RBM20: variants seen among roughly 807,000 people sequenced by gnomAD.
RBM20 encodes the protein RNA binding motif protein 20.
RBM20 carries 51 observed loss-of-function variants against 110.1 expected under a neutral mutation model. That is an observed-to-expected ratio of 0.46 (90% confidence interval 0.37 to 0.59). The LOEUF is 0.59. Among genes scored for constraint, RBM20 ranks in the 20% least tolerant of loss-of-function variants. The probability of loss-of-function intolerance (pLI) is 0.00; values close to 1 mark genes in which losing one functional copy is unlikely to be tolerated. For synonymous variants in RBM20, 589 were observed against 618.2 expected (o/e 0.95, Z 0.70); for missense variants, 1,512 against 1,574.9 (o/e 0.96, Z 0.68).
intron 1 of RBM20, among the ~76,000 whole-genome samples, chr10:110,719,831 A>T (rs1221490385): frequency 6.6e-6 from 1 of 152,166 alleles, no homozygotes; most frequent in African/African-American, 2.4e-5. Flanking sequence ...TAATGTGTGT[A>T]AAGCATTCCT....
intron 13 of RBM20, among the ~76,000 whole-genome samples, chr10:110,834,691 C>T (rs1422801188): frequency 6.6e-6 from 1 of 152,234 alleles, no homozygotes; most frequent in African/African-American, 2.4e-5. Flanking sequence ...AACTCGCCTG[C>T]TGAGGGATAG....
At chr10:110,772,168 T>C (rs1489380387) in intron 1 of RBM20, among the ~76,000 whole-genome samples, 2 of 152,224 alleles carry the variant, frequency 1.3e-5, no homozygotes, top group African/African-American at 4.8e-5. Flanking sequence ...CTGTCCTAAA[T>C]GGATTTGAGC....
intron 1 of RBM20, among the ~76,000 whole-genome samples, chr10:110,713,179 T>C (rs1228094645): frequency 2.6e-5 from 4 of 152,140 alleles, no homozygotes; most frequent in Non-Finnish European, 5.9e-5. Flanking sequence ...TGCAGAGAAG[T>C]GGATTTTTAT....
intron 1 of RBM20, 117 bp from the exon 2 acceptor site, chr10:110,780,684 G>C: frequency 8.6e-7 from 1 of 1,167,898 alleles, no homozygotes; most frequent in Non-Finnish European, 1.2e-6. Flanking sequence ...CTTGTATGTG[G>C]GACCAGTGTG....
chr10:110,829,767 C>T (rs1845025919), intron 12 of RBM20, among the ~76,000 whole-genome samples: 2 of 152,144 alleles, frequency 1.3e-5, no homozygotes, highest in South Asian at 2.1e-4. Context: ...TTGGAGCAGG[C>T]GCTGTCATGA....
chr10:110,687,437 G>A (rs1468576087), intron 1 of RBM20, among the ~76,000 whole-genome samples: 1 of 152,198 alleles, frequency 6.6e-6, no homozygotes, highest in African/African-American at 2.4e-5. Flanking sequence ...TTAGAGAGAA[G>A]CATAGTTACA....
At chr10:110,726,958 T>A (rs1843566624) in intron 1 of RBM20, among the ~76,000 whole-genome samples, 1 of 152,082 alleles carries the variant, frequency 6.6e-6, no homozygotes, top group African/African-American at 2.4e-5. Context: ...GCAATTCTCC[T>A]GCCTCAGCCT....
rs796315158 is a variant in RBM20, at chr10:110,684,424, C to CAAAAA, written c.191+39783_191+39784insAAAAA. ...CAAAACAAAACAAAACAAAACAAAA[C>CAAAAA]AAAAGAAAAAGAAAAAGAAAACAGA... is the stretch of plus-strand genomic sequence containing the variant. On this transcript the variant is annotated intron_variant, in intron 1 of 13. Coordinates refer to ENST00000369519, the MANE Select transcript of RBM20 (RefSeq NM_001134363.3). 9.3e-5 allele frequency among the ~76,000 whole-genome samples: 14 copies of CAAAAA among 151,106 alleles called. 3 individuals carry two copies. The highest frequency in any genetic ancestry group is 1.3e-4 in the Non-Finnish European group (9 of 67,946).
chr10:110,792,732 T>C (rs1254639754), intron 5 of RBM20, among the ~76,000 whole-genome samples: 2 of 152,202 alleles, frequency 1.3e-5, no homozygotes, highest in Non-Finnish European at 2.9e-5. Flanking sequence ...CTAGCCACCG[T>C]GGCAGCAGAA....
In RBM20 at chr10:110,644,490, C is replaced by T. The variant is rs573426783; in HGVS notation, c.36C>T (p.Asp12=). The T allele has an allele frequency of 1.3e-6, 2 of 1,522,838 alleles. No individual in the cohort carries two copies. The highest frequency in any genetic ancestry group is 2.9e-5 in the African/African-American group (2 of 69,922). The allele number at this position is 1,522,838 out of a possible 1,614,324, so 94.3% of individuals were successfully genotyped here. ...VLAAAMSQDA[D]PSGPEQPDRV... ...CAGCAGCCATGAGCCAGGACGCGGA[C>T]CCCAGCGGTCCGGAGCAGCCGGACA... Residue 12 remains aspartate, a synonymous_variant, in exon 1 of 14, where the codon GAC becomes GAT. Transcript: ENST00000369519. The surrounding 1 kb of genome is among the most constrained non-coding windows in gnomAD (Gnocchi z 4.3).
At chr10:110,754,139 C>T (rs1020076340) in intron 1 of RBM20, among the ~76,000 whole-genome samples, 1 of 152,150 alleles carries the variant, frequency 6.6e-6, no homozygotes, top group Admixed American at 6.5e-5. Flanking sequence ...ATAGATTTGT[C>T]ATTATTTTCT....
At chr10:110,672,200 G>C (rs1017725472) in intron 1 of RBM20, among the ~76,000 whole-genome samples, 1 of 152,214 alleles carries the variant, frequency 6.6e-6, no homozygotes, top group African/African-American at 2.4e-5. Flanking sequence ...GTTCTGCCAC[G>C]AGGGAGGCGA....
At chr10:110,745,152 ACATCTCCAAATAGAGTC>A (rs533191344) in intron 1 of RBM20, among the ~76,000 whole-genome samples, 12 of 152,308 alleles carry the variant, frequency 7.9e-5, no homozygotes, top group Admixed American at 2.6e-4. Context: ...TGACTGCAAA[ACATCTCCAAATAGAGTC>A]CAGTTCTTCT....
chr10:110,737,603 G>C (rs1037300320), intron 1 of RBM20, among the ~76,000 whole-genome samples: 1 of 137,528 alleles, frequency 7.3e-6, no homozygotes, highest in Non-Finnish European at 1.5e-5. Flanking sequence ...TGACCTCTCT[G>C]AAGATAGATT....
chr10:110,829,910 G>C (rs112503530), intron 12 of RBM20, among the ~76,000 whole-genome samples: 1 of 152,182 alleles, frequency 6.6e-6, no homozygotes, highest in Middle Eastern at 3.2e-3. Context: ...CAGAAGAGAG[G>C]CTTGCCCCGC....
intron 1 of RBM20, among the ~76,000 whole-genome samples, chr10:110,769,571 A>G (rs1844157442): frequency 6.6e-6 from 1 of 152,140 alleles, no homozygotes; most frequent in South Asian, 2.1e-4. Flanking sequence ...AAGGGAAGGT[A>G]GTTTTATAAT....
At chr10:110,800,546 A>G in intron 7 of RBM20, among the ~76,000 whole-genome samples, 1 of 152,330 alleles carries the variant, frequency 6.6e-6, no homozygotes, top group Non-Finnish European at 1.5e-5. Flanking sequence ...ATGGTTTAAA[A>G]AGTAATAATG....
intron 1 of RBM20, among the ~76,000 whole-genome samples, chr10:110,663,432 C>A (rs1307444097): frequency 6.6e-6 from 1 of 152,172 alleles, no homozygotes; most frequent in African/African-American, 2.4e-5. Flanking sequence ...GCAGAAAAAG[C>A]GGATGGCATG....
At position 110,735,616 on chromosome 10, in the gene RBM20, G is replaced by A. The variant is rs536269708; in HGVS notation, c.192-45185G>A. On this transcript the variant is annotated intron_variant, in intron 1 of 13. Coordinates refer to ENST00000369519, the MANE Select transcript of RBM20 (RefSeq NM_001134363.3). The stretch of plus-strand genomic sequence containing the variant: ...CACACCCATCTTGGCATGTATGTAT[G>A]AGTCCATCGGAAGGATACATTTCTG... 1.0e-3 allele frequency among the ~76,000 whole-genome samples: 157 copies of A among 152,338 alleles called. 1 individual carries two copies. The highest frequency in any genetic ancestry group is 9.3e-3 in the Admixed American group (143 of 15,310).
Sources: gnomAD v4.1 joint callset for allele counts (sites outside exome capture counted in the v4.1 genomes callset) on GRCh38, gnomAD v4.1.1 for gene constraint, Gnocchi (gnomAD v3.1) non-coding constraint, MANE v1.5 for transcripts, NCBI Gene and HGNC (gene_info 2026-07-23, HGNC 2026-07-21) for gene names.